Variants in NALF1 observed in about 807,000 individuals in gnomAD.
NALF1 encodes NALCN channel auxiliary factor 1, also known as family with sequence similarity 155 member A.
In NALF1, 3 loss-of-function variants were observed where a neutral mutation model predicts 48.4. That is an observed-to-expected ratio of 0.06 (90% CI 0.03 to 0.16). The LOEUF (loss-of-function observed/expected upper bound fraction) is 0.16, where lower values mean the gene tolerates loss of function less well. Ranked by LOEUF, NALF1 falls within the 10% of genes least tolerant of loss-of-function variation. NALF1 has a pLI of 1.00. For synonymous variants in NALF1, 262 were observed against 245.7 expected, an observed-to-expected ratio of 1.07 and a Z score of -0.62; for missense variants, 526 against 571.5, an observed-to-expected ratio of 0.92 and a Z score of 0.81.
At chr13:107,735,894 A>T (rs1032730667) in intron 1 of NALF1, among the ~76,000 whole-genome samples, 2 of 152,170 alleles carry the variant, frequency 1.3e-5, no homozygotes, top group African/African-American at 4.8e-5. Context: ...AAAGAATGAG[A>T]ATTGTGCATT....
intron 1 of NALF1, among the ~76,000 whole-genome samples, chr13:107,626,157 G>T (rs1052712808): frequency 6.6e-6 from 1 of 151,950 alleles, no homozygotes; most frequent in Non-Finnish European, 1.5e-5. Flanking sequence ...ACTATACTGA[G>T]TTACCACCTT....
At chr13:107,261,432 G>A (rs1880925252) in intron 1 of NALF1, among the ~76,000 whole-genome samples, 1 of 152,102 alleles carries the variant, frequency 6.6e-6, no homozygotes, top group African/African-American at 2.4e-5. Context: ...TATCCCATCA[G>A]CAATGATTTT....
chr13:107,634,639 T>C (rs982461384), intron 1 of NALF1, among the ~76,000 whole-genome samples: 30 of 152,044 alleles, frequency 2.0e-4, no homozygotes, highest in Non-Finnish European at 2.8e-4. Context: ...GGAAATGATA[T>C]GAAAACAGAT....
chr13:107,282,749 G>A (rs574659438), intron 1 of NALF1, among the ~76,000 whole-genome samples: 6 of 152,300 alleles, frequency 3.9e-5, no homozygotes, highest in East Asian at 3.9e-4. Context: ...GATCGACCTC[G>A]GAAGTGAATC....
chr13:107,603,042 A>G (rs1287119458), intron 1 of NALF1, among the ~76,000 whole-genome samples: 1 of 152,216 alleles, frequency 6.6e-6, no homozygotes, highest in East Asian at 1.9e-4. Context: ...CTTTTATTAA[A>G]TTGAAAATCA....
intron 1 of NALF1, among the ~76,000 whole-genome samples, chr13:107,654,024 G>T (rs895986728): frequency 2.6e-5 from 4 of 151,702 alleles, no homozygotes; most frequent in Non-Finnish European, 4.4e-5. Context: ...CAGAAGGAAG[G>T]AAATAATGAA....
At chr13:107,363,036 A>G (rs902292156) in intron 1 of NALF1, among the ~76,000 whole-genome samples, 1 of 152,212 alleles carries the variant, frequency 6.6e-6, no homozygotes, top group Non-Finnish European at 1.5e-5. Context: ...CAGAACACAT[A>G]AACAATGCCT....
At chr13:107,756,452 T>TATATATATATATAA (rs1012871392) in intron 1 of NALF1, among the ~76,000 whole-genome samples, 2 of 150,052 alleles carry the variant, frequency 1.3e-5, no homozygotes, top group African/African-American at 5.0e-5. Context: ...TATATATATA[T>TATATATATATATAA]ATAAAGCATA....
chr13:107,602,123 A>G (rs1458724150), intron 1 of NALF1, among the ~76,000 whole-genome samples: 1 of 152,184 alleles, frequency 6.6e-6, no homozygotes, highest in Non-Finnish European at 1.5e-5. Flanking sequence ...CAGAAGATCT[A>G]TGTTTTTCAG....
At chr13:107,637,807 C>A (rs1343096646) in intron 1 of NALF1, among the ~76,000 whole-genome samples, 3 of 152,072 alleles carry the variant, frequency 2.0e-5, no homozygotes, top group Non-Finnish European at 2.9e-5. Context: ...GAGTAATGAT[C>A]TAGAAGTCTT....
intron 1 of NALF1, among the ~76,000 whole-genome samples, chr13:107,420,650 C>A (rs1030268229): frequency 4.6e-5 from 7 of 152,106 alleles, no homozygotes; most frequent in African/African-American, 1.7e-4. Context: ...TCATTCAATA[C>A]ATTAATCTAG....
intron 1 of NALF1, among the ~76,000 whole-genome samples, chr13:107,491,902 A>G (rs1473435236): frequency 6.6e-6 from 1 of 152,064 alleles, no homozygotes; most frequent in Non-Finnish European, 1.5e-5. Flanking sequence ...TTTAAATGTT[A>G]ATGATAATAT....
chr13:107,604,031 T>C (rs1879000790), intron 1 of NALF1, among the ~76,000 whole-genome samples: 1 of 152,194 alleles, frequency 6.6e-6, no homozygotes, highest in Admixed American at 6.5e-5. Flanking sequence ...AAATAATTGG[T>C]TCTCTAACCA....
chr13:107,726,913 T>TTCTGTG (rs765487919), intron 1 of NALF1, among the ~76,000 whole-genome samples: 2,996 of 126,424 alleles, frequency 0.024, 117 homozygotes, highest in Middle Eastern at 0.029. Context: ...CGGCAAATTC[T>TTCTGTG]TGTGTGTGTG....
intron 1 of NALF1, among the ~76,000 whole-genome samples, chr13:107,598,305 C>T (rs544687611): frequency 3.3e-5 from 5 of 152,234 alleles, no homozygotes; most frequent in African/African-American, 1.2e-4. Context: ...TTGCTGAATC[C>T]TCATGTTCCA....
At chr13:107,263,249 GACACACACACACACACAC>G (rs34637583) in intron 1 of NALF1, among the ~76,000 whole-genome samples, 3 of 138,368 alleles carry the variant, frequency 2.2e-5, no homozygotes, top group African/African-American at 5.4e-5. Context: ...AATGCTAACA[GACACACACACACACACAC>G]ACACACACAC....
chr13:107,723,309 T>C (rs17366162), intron 1 of NALF1, among the ~76,000 whole-genome samples: 2,483 of 152,316 alleles, frequency 0.016, 34 homozygotes, highest in Middle Eastern at 0.13. Context: ...TTTTAGAAGT[T>C]TGACCTGGCT....
intron 1 of NALF1, among the ~76,000 whole-genome samples, chr13:107,672,612 T>C (rs1881017513): frequency 6.6e-6 from 1 of 152,322 alleles, no homozygotes; most frequent in African/African-American, 2.4e-5. Context: ...CAGGCAATTA[T>C]TGCCTTTTTA....
chr13:107,634,814 T>C (rs1403393289), intron 1 of NALF1, among the ~76,000 whole-genome samples: 2 of 152,180 alleles, frequency 1.3e-5, no homozygotes, highest in Middle Eastern at 3.4e-3. Flanking sequence ...AGTGTTGATG[T>C]CACATGCTAT....
Sources: allele counts gnomAD v4.1 joint callset (sites outside exome capture counted in the v4.1 genomes callset), GRCh38; gene constraint gnomAD v4.1.1; transcripts MANE v1.5; gene names NCBI Gene and HGNC (gene_info 2026-07-23, HGNC 2026-07-21).